NPHP1: variants seen among roughly 807,000 people sequenced by gnomAD.
NPHP1 encodes the protein nephrocystin 1.
In NPHP1, 70 loss-of-function variants were observed where a neutral mutation model predicts 90.4. The ratio of observed to expected loss-of-function variants is 0.77; its 90% CI spans 0.64 to 0.95. NPHP1 has a LOEUF of 0.95. NPHP1 is among the 40% of genes least tolerant of loss of function. The pLI is 0.00. For missense variants in NPHP1, 764 were observed against 795.9 expected, an observed-to-expected ratio of 0.96 and a Z score of 0.48; for synonymous variants, 256 against 271.7, an observed-to-expected ratio of 0.94 and a Z score of 0.57.
intron 19 of NPHP1, chr2:110,125,205 G>T: frequency 6.5e-7 from 1 of 1,533,860 alleles, no homozygotes; most frequent in Non-Finnish European, 8.7e-7. Context: ...AAGCAAGTTC[G>T]GATTGGTAAT....
intron 16 of NPHP1, among the ~76,000 whole-genome samples, chr2:110,133,674 C>T (rs1679956314): frequency 6.6e-6 from 1 of 151,930 alleles, no homozygotes; most frequent in Admixed American, 6.6e-5. Context: ...TGAAATCATA[C>T]AAAATATCTT....
rs542510598 is a variant in NPHP1 at position 110,195,361 on chromosome 2, A to G, written c.143+6060T>C. Among the ~76,000 whole-genome samples, 23 of 152,126 alleles carry G rather than the reference A, an allele frequency of 1.5e-4. No homozygotes were observed. In the East Asian group the frequency reaches 4.3e-3, roughly 28 times the overall value. ...AAATCACAAGCATTCTTATATACCA[A>G]TAACAGACAGAGAGCCAAATCATGA... On this transcript the variant is annotated intron_variant, in intron 2 of 19. Coordinates refer to ENST00000445609, the MANE Select transcript of NPHP1 (RefSeq NM_001128178.3).
chr2:110,201,292 T>C, intron 2 of NPHP1, 129 bp downstream of exon 2: 1 of 725,846 alleles, frequency 1.4e-6, no homozygotes, highest in Non-Finnish European at 2.4e-6. Flanking sequence ...TGGTTTCTTC[T>C]ACATTCAACT....
chr2:110,168,405 GAA>G (rs11453404), intron 6 of NPHP1, 45 bp downstream of exon 6: 292 of 937,506 alleles, frequency 3.1e-4, no homozygotes, highest in Admixed American at 5.1e-4. Context: ...TATTAAAAGC[GAA>G]AAAAAAAAAA....
intron 11 of NPHP1, among the ~76,000 whole-genome samples, chr2:110,158,748 T>C (rs1682092873): frequency 6.6e-6 from 1 of 152,024 alleles, no homozygotes; most frequent in South Asian, 2.1e-4. Flanking sequence ...ATACTTCTAG[T>C]GGTTTTTGAT....
At chr2:110,135,502 AAAGT>A (rs1680112881) in intron 16 of NPHP1, among the ~76,000 whole-genome samples, 1 of 150,406 alleles carries the variant, frequency 6.6e-6, no homozygotes, top group African/African-American at 2.4e-5. Context: ...AAAAAAAAAA[AAAGT>A]GAGTTCTTTA....
intron 11 of NPHP1, 52 bp from the exon 12 acceptor site, chr2:110,150,308 C>G (rs1334299503): frequency 1.3e-6 from 2 of 1,527,470 alleles, no homozygotes; most frequent in Non-Finnish European, 1.8e-6. Flanking sequence ...TTTGAAATGT[C>G]ACCATTTCCA....
At chr2:110,172,476 T>C (rs912992286) in intron 4 of NPHP1, among the ~76,000 whole-genome samples, 2 of 152,104 alleles carry the variant, frequency 1.3e-5, no homozygotes, top group Non-Finnish European at 2.9e-5. Flanking sequence ...TTTCAAACTA[T>C]ACATTTAAAG....
intron 10 of NPHP1, 127 bp from the exon 11 acceptor site, chr2:110,160,382 A>G (rs1682223402): frequency 1.5e-6 from 1 of 678,342 alleles, no homozygotes; most frequent in Admixed American, 2.8e-5. Context: ...CACATATACA[A>G]TAAAAGTTTC....
At chr2:110,139,572 T>A (rs1228802860) in intron 16 of NPHP1, among the ~76,000 whole-genome samples, 2 of 152,146 alleles carry the variant, frequency 1.3e-5, no homozygotes, top group Admixed American at 1.3e-4. Flanking sequence ...AAGATATACA[T>A]GTGTAGGACT....
intron 16 of NPHP1, among the ~76,000 whole-genome samples, chr2:110,138,074 A>T: frequency 6.6e-6 from 1 of 151,840 alleles, no homozygotes; most frequent in Non-Finnish European, 1.5e-5. Flanking sequence ...CTATCGCAAG[A>T]CAAAAAACCA....
At chr2:110,139,421 C>G (rs1323540352) in intron 16 of NPHP1, among the ~76,000 whole-genome samples, 1 of 152,168 alleles carries the variant, frequency 6.6e-6, no homozygotes, top group African/African-American at 2.4e-5. Context: ...CATCTATTTG[C>G]TCTCTTTTTC....
intron 4 of NPHP1, among the ~76,000 whole-genome samples, chr2:110,173,382 G>A (rs2104592195): frequency 6.6e-6 from 1 of 152,052 alleles, no homozygotes; most frequent in East Asian, 1.9e-4. Context: ...GTTCATTTTG[G>A]TTAATGTTAC....
intron 16 of NPHP1, among the ~76,000 whole-genome samples, chr2:110,140,344 A>G (rs948031004): frequency 2.6e-5 from 4 of 151,904 alleles, no homozygotes; most frequent in Non-Finnish European, 5.9e-5. Flanking sequence ...TTTCACAAAC[A>G]TTTTTCGGGT....
At chr2:110,164,487 CAAAAAAA>C in intron 8 of NPHP1, 194 bp downstream of exon 8, 1 of 881,814 alleles carries the variant, frequency 1.1e-6, no homozygotes, top group African/African-American at 2.1e-5. Flanking sequence ...TCTTTTTGTA[CAAAAAAA>C]AAAAAAAACT....
intron 5 of NPHP1, 87 bp from the exon 6 acceptor site, chr2:110,168,640 A>G (rs1682890432): frequency 1.1e-6 from 1 of 880,946 alleles, no homozygotes; most frequent in East Asian, 2.5e-5. Context: ...ATATGTGCTG[A>G]AAAAAAGGCA....
intron 11 of NPHP1, among the ~76,000 whole-genome samples, chr2:110,151,697 C>T (rs1681483973): frequency 6.6e-6 from 1 of 151,994 alleles, no homozygotes; most frequent in South Asian, 2.1e-4. Flanking sequence ...TAAACTTTTC[C>T]TGAAATTATG....
chr2:110,136,803 C>T (rs913435443), intron 16 of NPHP1, among the ~76,000 whole-genome samples: 10 of 152,104 alleles, frequency 6.6e-5, no homozygotes, highest in African/African-American at 2.2e-4. Context: ...TGACTTTCTT[C>T]ACAGAATTAG....
intron 2 of NPHP1, chr2:110,184,610 C>G: frequency 9.2e-7 from 1 of 1,082,826 alleles, no homozygotes; most frequent in South Asian, 1.3e-5. Context: ...GAATTGACAT[C>G]GCAAGCTGGA....
Sources: allele counts gnomAD v4.1 joint callset (sites outside exome capture counted in the v4.1 genomes callset), GRCh38; gene constraint gnomAD v4.1.1; transcripts MANE v1.5; gene names NCBI Gene and HGNC (gene_info 2026-07-23, HGNC 2026-07-21).